ST18: variants seen among roughly 807,000 people sequenced by gnomAD.
ST18 encodes ST18 C2H2C-type zinc finger transcription factor, also known as suppression of tumorigenicity 18 protein.
ST18 carries 50 observed loss-of-function variants against 110.0 expected under a neutral mutation model. The ratio of observed to expected loss-of-function variants is 0.45; its 90% CI spans 0.36 to 0.58. The LOEUF (loss-of-function observed/expected upper bound fraction) is 0.58. ST18 is among the 20% of genes least tolerant of loss of function. ST18 has a pLI of 0.00. For synonymous variants in ST18, 461 were observed against 452.4 expected (o/e 1.02, Z -0.24); for missense variants, 1,306 against 1,280.1 (o/e 1.02, Z -0.31).
Position 52,149,996 on chromosome 8 carries a change from C to T in ST18, c.1807-19G>A, listed in dbSNP as rs370450883. ...CGGCTCCCTGGTATACAATAGGAAA[C>T]AGAAAAACATTTAAGCAGTTTGCAG... On this transcript the variant is annotated intron_variant, in intron 15 of 25. Transcript: ENST00000689386. 1.2e-6 allele frequency: 2 copies of T among 1,603,716 alleles called. No individual in the cohort carries two copies. Among genetic ancestry groups the T allele is most frequent in the Non-Finnish European group, 1.7e-6 (2 of 1,174,814 alleles).
intron 5 of ST18, among the ~76,000 whole-genome samples, chr8:52,220,085 C>T (rs1158272489): frequency 6.6e-6 from 1 of 152,106 alleles, no homozygotes; most frequent in Non-Finnish European, 1.5e-5. Flanking sequence ...TCCAGCTTTA[C>T]GTTTTAGAAG....
chr8:52,156,738 C>T (rs1464091695), intron 15 of ST18, among the ~76,000 whole-genome samples: 7 of 152,192 alleles, frequency 4.6e-5, no homozygotes, highest in East Asian at 1.9e-4. Context: ...CAAATGTGTG[C>T]ACGTGCGTGT....
intron 2 of ST18, among the ~76,000 whole-genome samples, chr8:52,355,668 G>T (rs756835215): frequency 6.6e-6 from 1 of 152,162 alleles, no homozygotes; most frequent in Non-Finnish European, 1.5e-5. Context: ...CTGCTGTTTT[G>T]CAGTAAAAGA....
At chr8:52,163,947 G>C (rs1317705089) in intron 13 of ST18, 39 bp downstream of exon 13, 1 of 1,526,676 alleles carries the variant, frequency 6.6e-7, no homozygotes, top group South Asian at 1.1e-5. Flanking sequence ...CAGGAGCCTG[G>C]ATGAAGAGAG....
intron 2 of ST18, among the ~76,000 whole-genome samples, chr8:52,291,197 G>A (rs2139346908): frequency 6.6e-6 from 1 of 152,280 alleles, no homozygotes; most frequent in Admixed American, 6.5e-5. Context: ...TACCTAGTAG[G>A]TGTCACCAAA....
chr8:52,230,538 G>A (rs1174176757), intron 2 of ST18, among the ~76,000 whole-genome samples: 1 of 152,106 alleles, frequency 6.6e-6, no homozygotes, highest in East Asian at 1.9e-4. Flanking sequence ...CTACTAATGA[G>A]TCAGCTGTTC....
intron 2 of ST18, among the ~76,000 whole-genome samples, chr8:52,316,008 C>T (rs1289633582): frequency 6.6e-6 from 1 of 152,168 alleles, no homozygotes; most frequent in African/African-American, 2.4e-5. Flanking sequence ...TTCATATACA[C>T]ATAAATGGAC....
At chr8:52,382,368 A>G (rs1161514823) in intron 2 of ST18, among the ~76,000 whole-genome samples, 1 of 151,574 alleles carries the variant, frequency 6.6e-6, no homozygotes, top group Non-Finnish European at 1.5e-5. Context: ...TTACTGGCAG[A>G]AAAAAAAATA....
At chr8:52,363,225 A>G (rs1300301256) in intron 2 of ST18, among the ~76,000 whole-genome samples, 1 of 152,158 alleles carries the variant, frequency 6.6e-6, no homozygotes, top group East Asian at 1.9e-4. Context: ...AAGAAAAAAA[A>G]AATCTCCTGC....
At chr8:52,197,688 G>A (rs374841551) in intron 8 of ST18, among the ~76,000 whole-genome samples, 1 of 151,926 alleles carries the variant, frequency 6.6e-6, no homozygotes, top group East Asian at 1.9e-4. Context: ...AGAAAGAGTG[G>A]GTAAGATGGA....
intron 2 of ST18, among the ~76,000 whole-genome samples, chr8:52,360,185 T>C (rs148734456): frequency 6.6e-6 from 1 of 152,226 alleles, no homozygotes; most frequent in African/African-American, 2.4e-5. Context: ...AACCTGTCAG[T>C]CTTTCCAGCA....
intron 8 of ST18, among the ~76,000 whole-genome samples, chr8:52,201,716 T>C (rs2078042711): frequency 6.6e-6 from 1 of 152,204 alleles, no homozygotes; most frequent in African/African-American, 2.4e-5. Flanking sequence ...AGTTCCTGGG[T>C]CCTGGCAGTC....
chr8:52,312,266 G>A (rs564635246), intron 2 of ST18, among the ~76,000 whole-genome samples: 41 of 152,276 alleles, frequency 2.7e-4, no homozygotes, highest in Non-Finnish European at 5.3e-4. Context: ...ATGTGGAGAG[G>A]GGGCACCCAT....
At chr8:52,359,565 A>G (rs932043751) in intron 2 of ST18, among the ~76,000 whole-genome samples, 2 of 152,158 alleles carry the variant, frequency 1.3e-5, no homozygotes, top group African/African-American at 4.8e-5. Context: ...CGAACTCATC[A>G]GAACTTTCCA....
chr8:52,204,525 A>G (rs922767919), intron 8 of ST18, among the ~76,000 whole-genome samples: 1 of 152,190 alleles, frequency 6.6e-6, no homozygotes, highest in East Asian at 1.9e-4. Context: ...GACGTGATCT[A>G]TTCTCACCCA....
chr8:52,335,120 T>C (rs1258709621), intron 2 of ST18, among the ~76,000 whole-genome samples: 1 of 152,226 alleles, frequency 6.6e-6, no homozygotes, highest in Non-Finnish European at 1.5e-5. Flanking sequence ...CACCAGGCAA[T>C]AGAGAAATCA....
chr8:52,282,232 G>A (rs1462779894), intron 2 of ST18, among the ~76,000 whole-genome samples: 1 of 151,902 alleles, frequency 6.6e-6, no homozygotes, highest in Non-Finnish European at 1.5e-5. Flanking sequence ...AAAAACCCAA[G>A]AGAAGGAAAT....
chr8:52,171,818 C>A lies in ST18; in HGVS notation c.1043G>T (p.Gly348Val). 4 of 1,613,758 alleles carry A rather than the reference C, an allele frequency of 2.5e-6. No individual in the cohort carries two copies. The highest frequency in any genetic ancestry group is 3.4e-6 in the Non-Finnish European group (4 of 1,179,726). Reference sequence around the variant, plus strand: ...TTTATTGTTAAAGATTTGTCTTCCACCCATGTCGATAACTTTGGTTTGCCT... The same window carrying A: ...TTTATTGTTAAAGATTTGTCTTCCAACCATGTCGATAACTTTGGTTTGCCT... Reference protein sequence around the residue: ...ERRQTKVIDMGGRQIFNNKHS... With the variant: ...ERRQTKVIDMVGRQIFNNKHS... Residue 348 changes from glycine to valine, a missense_variant, in exon 10 of 26, where the codon GGT becomes GTT. Coordinates refer to ENST00000689386, the MANE Select transcript of ST18 (RefSeq NM_001352837.2).
chr8:52,232,412 A>G (rs1275124852), intron 2 of ST18, among the ~76,000 whole-genome samples: 2 of 152,232 alleles, frequency 1.3e-5, no homozygotes, highest in Non-Finnish European at 1.5e-5. Context: ...AAATATGGGA[A>G]TGAATTAATT....
Sources: allele counts gnomAD v4.1 joint callset (sites outside exome capture counted in the v4.1 genomes callset), GRCh38; gene constraint gnomAD v4.1.1; transcripts MANE v1.5; gene names NCBI Gene and HGNC (gene_info 2026-07-23, HGNC 2026-07-21).